RBFOX3: variants seen among roughly 807,000 people sequenced by gnomAD.
RBFOX3 encodes the protein RNA binding protein fox-1 homolog 3.
RBFOX3 carries 17 observed loss-of-function variants against 48.7 expected under a neutral mutation model. The ratio of observed to expected loss-of-function variants is 0.35; its 90% CI spans 0.24 to 0.52. The LOEUF (loss-of-function observed/expected upper bound fraction) is 0.52. RBFOX3 is among the 20% of genes least tolerant of loss of function. The pLI is 0.94. For missense variants in RBFOX3, 382 were observed against 497.5 expected (o/e 0.77, Z 2.21); for synonymous variants, 212 against 209.5 (o/e 1.01, Z -0.10).
rs1055076080 is a variant in RBFOX3, at chr17:79,479,466, G to A, written c.-175+2988C>T. Reference sequence around the variant, plus strand: ...TGCTCTGAGGGGCTTCCTCTCAGAGGGGCTTCCTTCTCTCCCCTTGACCTC... The same window carrying A: ...TGCTCTGAGGGGCTTCCTCTCAGAGAGGCTTCCTTCTCTCCCCTTGACCTC... On this transcript the variant is annotated intron_variant, in intron 2 of 14. Coordinates refer to ENST00000693108, the MANE Select transcript of RBFOX3 (RefSeq NM_001350451.2). The surrounding 1 kb of genome is among the most constrained non-coding windows in gnomAD (Gnocchi z 5.1). Among the ~76,000 whole-genome samples the A allele has an allele frequency of 1.3e-5, 2 of 152,144 alleles. No individual in the cohort carries two copies. The highest frequency in any genetic ancestry group is 4.1e-4 in the South Asian group (2 of 4,828).
intron 1 of RBFOX3, among the ~76,000 whole-genome samples, chr17:79,591,691 G>A (rs1236216345): frequency 1.3e-5 from 2 of 152,158 alleles, no homozygotes; most frequent in African/African-American, 4.8e-5. Context: ...ACAGAGCCTG[G>A]GGCAAGGGTT....
chr17:79,370,578 GGC>G (rs2058392798), intron 2 of RBFOX3, among the ~76,000 whole-genome samples: 1 of 146,560 alleles, frequency 6.8e-6, no homozygotes, highest in Admixed American at 6.8e-5. Flanking sequence ...CACTCACACA[GGC>G]ACACACACGT....
At chr17:79,372,291 C>A (rs1282352199) in intron 2 of RBFOX3, among the ~76,000 whole-genome samples, 1 of 107,866 alleles carries the variant, frequency 9.3e-6, no homozygotes, top group Non-Finnish European at 1.9e-5. Flanking sequence ...GGTCCTATAG[C>A]CCCTCTATAC....
At chr17:79,453,520 C>T (rs782559692) in intron 2 of RBFOX3, among the ~76,000 whole-genome samples, 1 of 152,182 alleles carries the variant, frequency 6.6e-6, no homozygotes, top group African/African-American at 2.4e-5. Flanking sequence ...ACCCAGAGTC[C>T]CAGGATAACA....
chr17:79,547,323 C>T (rs8073187), intron 1 of RBFOX3, among the ~76,000 whole-genome samples: 47,878 of 151,804 alleles, frequency 0.32, 8,703 homozygotes, highest in Admixed American at 0.45. Context: ...GGCATGGTGG[C>T]GCACGCCTGT....
chr17:79,304,479 C>T, intron 3 of RBFOX3, among the ~76,000 whole-genome samples: 1 of 149,774 alleles, frequency 6.7e-6, no homozygotes. Context: ...CCTGCTTTTG[C>T]AGAAGGATTT....
intron 2 of RBFOX3, among the ~76,000 whole-genome samples, chr17:79,468,778 T>C (rs2076661322): frequency 6.7e-6 from 1 of 149,234 alleles, no homozygotes; most frequent in Non-Finnish European, 1.5e-5. Flanking sequence ...GATAGATAGA[T>C]AGATAGGAAG....
intron 4 of RBFOX3, among the ~76,000 whole-genome samples, chr17:79,140,101 T>G (rs1317254683): frequency 6.6e-6 from 1 of 152,190 alleles, no homozygotes; most frequent in Non-Finnish European, 1.5e-5. Context: ...TGGGTAGCTC[T>G]CCCGCCCAGC....
At chr17:79,121,771 C>T (rs903130951) in intron 4 of RBFOX3, among the ~76,000 whole-genome samples, 7 of 152,108 alleles carry the variant, frequency 4.6e-5, no homozygotes, top group Non-Finnish European at 7.4e-5. Flanking sequence ...ACTGATGGGC[C>T]CCAAAGCTCA....
At chr17:79,487,934 C>T (rs1271489864) in intron 1 of RBFOX3, among the ~76,000 whole-genome samples, 2 of 63,502 alleles carry the variant, frequency 3.1e-5, no homozygotes, top group Non-Finnish European at 7.8e-5. Context: ...AAAAAAATTC[C>T]TGGGTGACCT....
At chr17:79,373,384 C>T (rs574061879) in intron 2 of RBFOX3, among the ~76,000 whole-genome samples, 76 of 152,206 alleles carry the variant, frequency 5.0e-4, no homozygotes, top group Middle Eastern at 3.2e-3. Context: ...ACCAGGCACT[C>T]GGGCTGGGCG....
the RBFOX3 span, among the ~76,000 whole-genome samples, chr17:79,637,362 T>G: frequency 1.3e-5 from 2 of 152,078 alleles, no homozygotes; most frequent in African/African-American, 4.8e-5. Context: ...TTTTCTCAAG[T>G]GCACTTGGAA....
intron 1 of RBFOX3, among the ~76,000 whole-genome samples, chr17:79,579,006 C>T (rs1029294017): frequency 6.6e-6 from 1 of 152,226 alleles, no homozygotes; most frequent in Admixed American, 6.5e-5. Context: ...CCTCCTGCCC[C>T]CTCAACGTCC....
At chr17:79,138,767 C>T (rs1191357325) in intron 4 of RBFOX3, among the ~76,000 whole-genome samples, 78 of 8,886 alleles carry the variant, frequency 8.8e-3, no homozygotes, top group Non-Finnish European at 0.013. Context: ...CATCCACAAA[C>T]ATGCACACAG....
the RBFOX3 span, among the ~76,000 whole-genome samples, chr17:79,619,251 C>G: frequency 6.6e-6 from 1 of 152,162 alleles, no homozygotes; most frequent in Non-Finnish European, 1.5e-5. Context: ...GGATTCAGGT[C>G]CTGGGGCTGC....
chr17:79,336,378 T>C (rs7207919), intron 2 of RBFOX3, among the ~76,000 whole-genome samples: 126,319 of 151,180 alleles, frequency 0.84, 53,041 homozygotes, highest in Non-Finnish European at 0.89. Context: ...CAGAGTGAGA[T>C]TTCATCTCAA....
chr17:79,181,254 T>C (rs998326288), intron 4 of RBFOX3, among the ~76,000 whole-genome samples: 1 of 152,110 alleles, frequency 6.6e-6, no homozygotes, highest in African/African-American at 2.4e-5. Flanking sequence ...AATCCTACAC[T>C]CTATCTGCAG....
intron 4 of RBFOX3, among the ~76,000 whole-genome samples, chr17:79,189,540 C>A (rs1409632145): frequency 6.6e-6 from 1 of 152,220 alleles, no homozygotes. Flanking sequence ...TCCGTCTGTG[C>A]AGCAATTATC....
intron 5 of RBFOX3, among the ~76,000 whole-genome samples, chr17:79,107,034 C>T (rs983020326): frequency 5.9e-5 from 9 of 152,230 alleles, no homozygotes; most frequent in Admixed American, 4.6e-4. Flanking sequence ...GTGAGGCCGC[C>T]TCCCTCCCGC....
Sources: allele counts gnomAD v4.1 joint callset (sites outside exome capture counted in the v4.1 genomes callset), GRCh38; gene constraint gnomAD v4.1.1; non-coding constraint Gnocchi (gnomAD v3.1); transcripts MANE v1.5; gene names NCBI Gene and HGNC (gene_info 2026-07-23, HGNC 2026-07-21).